Variants in ANKRD30BL observed in about 807,000 individuals in gnomAD.
ANKRD30BL encodes ankyrin repeat domain 30B like.
In ANKRD30BL, 20 loss-of-function variants were observed where a neutral mutation model predicts 18.4. The observed-to-expected ratio is 1.09, with a 90% CI of 0.77 to 1.58. The LOEUF (loss-of-function observed/expected upper bound fraction) is 1.58. Ranked by LOEUF, ANKRD30BL falls within the 40% of genes most tolerant of loss-of-function variation. The probability of loss-of-function intolerance (pLI) is 0.00; values close to 1 mark genes in which losing one functional copy is unlikely to be tolerated. For missense variants in ANKRD30BL, 224 were observed against 268.6 expected (o/e 0.83, Z 1.16); for synonymous variants, 72 against 100.9 (o/e 0.71, Z 1.72).
chr2:132,194,390 A>G (rs1678923269), intron 1 of ANKRD30BL, among the ~76,000 whole-genome samples: 1 of 152,244 alleles, frequency 6.6e-6, no homozygotes, highest in South Asian at 2.1e-4. Flanking sequence ...TAAGTCAGCG[A>G]CAGCCTGGCT....
chr2:132,239,473 T>C (rs1216965005), intron 1 of ANKRD30BL, among the ~76,000 whole-genome samples: 1 of 151,838 alleles, frequency 6.6e-6, no homozygotes, highest in African/African-American at 2.4e-5. Flanking sequence ...TATCTTCCCA[T>C]GAAAAGTACA....
At chr2:132,169,441 G>C (rs1019395293) in intron 1 of ANKRD30BL, among the ~76,000 whole-genome samples, 1 of 151,644 alleles carries the variant, frequency 6.6e-6, no homozygotes, top group Non-Finnish European at 1.5e-5. Context: ...GAGGTCAAGA[G>C]ATCGAGACCA....
chr2:132,238,385 C>T (rs1462870245), intron 1 of ANKRD30BL, among the ~76,000 whole-genome samples: 4 of 149,372 alleles, frequency 2.7e-5, no homozygotes, highest in African/African-American at 7.3e-5. Flanking sequence ...TTCTTTTGAT[C>T]GTAGAATTTG....
chr2:132,163,103 G>C (rs1230529010), upstream of ANKRD30BL, among the ~76,000 whole-genome samples: 3 of 152,202 alleles, frequency 2.0e-5, no homozygotes, highest in Admixed American at 2.0e-4. Flanking sequence ...TGGACTGAGA[G>C]GGAAACTCGG....
chr2:132,236,275 A>T (rs1364333454), intron 1 of ANKRD30BL, among the ~76,000 whole-genome samples: 3 of 152,200 alleles, frequency 2.0e-5, no homozygotes, highest in Non-Finnish European at 2.9e-5. Context: ...GGACATAGGC[A>T]TGGGCAAGGA....
At chr2:132,157,509 C>T (rs1176108541) in intron 1 of ANKRD30BL, 86 bp from the exon 2 acceptor site, 2 of 461,662 alleles carry the variant, frequency 4.3e-6, no homozygotes, top group Non-Finnish European at 7.9e-6. Context: ...ACATTAAATA[C>T]CATGCTCTTT....
intron 1 of ANKRD30BL, among the ~76,000 whole-genome samples, chr2:132,251,729 C>A (rs1680654307): frequency 6.6e-6 from 1 of 152,106 alleles, no homozygotes; most frequent in African/African-American, 2.4e-5. Context: ...AAAACAATTC[C>A]ATTCATTTTT....
At chr2:132,181,881 G>A (rs912658667) in intron 1 of ANKRD30BL, among the ~76,000 whole-genome samples, 4 of 152,074 alleles carry the variant, frequency 2.6e-5, no homozygotes, top group African/African-American at 9.7e-5. Context: ...GGAGGCCAAG[G>A]CAGGCAGACC....
rs61041841 is a variant in ANKRD30BL at position 132,175,346 on chromosome 2, G to A, written n.442-18200C>T. ...GGTACTATGCCTGGATGTGCACGTA[G>A]GCCAGATTTATGTTTCTCTCTGCCC... On this transcript the variant is annotated intron_variant and non_coding_transcript_variant, in intron 1 of 4. Coordinates refer to the ANKRD30BL transcript ENST00000470729. Among the ~76,000 whole-genome samples the A allele has an allele frequency of 2.2e-3, 327 of 152,084 alleles. 2 individuals are homozygous for A. Among genetic ancestry groups the A allele is most frequent in the South Asian group, 0.015 (73 of 4,812 alleles).
At chr2:132,207,188 C>T (rs201164100) in intron 1 of ANKRD30BL, among the ~76,000 whole-genome samples, 108 of 141,300 alleles carry the variant, frequency 7.6e-4, no homozygotes, top group African/African-American at 2.6e-3. Flanking sequence ...GGAGGGGAGC[C>T]GCTTAAGATC....
chr2:132,179,101 G>T (rs1688413854), intron 1 of ANKRD30BL, among the ~76,000 whole-genome samples: 1 of 151,788 alleles, frequency 6.6e-6, no homozygotes, highest in Non-Finnish European at 1.5e-5. Context: ...CTGTTTCCTA[G>T]TGATGTCATT....
At chr2:132,247,238 G>C (rs1680527684) in intron 1 of ANKRD30BL, among the ~76,000 whole-genome samples, 1 of 151,680 alleles carries the variant, frequency 6.6e-6, no homozygotes. Flanking sequence ...CTTTCATGGA[G>C]CAGTTTTGAA....
At chr2:132,235,502 A>C (rs969335597) in intron 1 of ANKRD30BL, among the ~76,000 whole-genome samples, 9 of 152,176 alleles carry the variant, frequency 5.9e-5, no homozygotes, top group African/African-American at 1.7e-4. Flanking sequence ...TCAGGATACA[A>C]AATCAATGTA....
At chr2:132,234,503 A>C (rs1680101462) in intron 1 of ANKRD30BL, among the ~76,000 whole-genome samples, 1 of 152,136 alleles carries the variant, frequency 6.6e-6, no homozygotes, top group African/African-American at 2.4e-5. Context: ...GATAAAGGGG[A>C]TATCACCACC....
intron 1 of ANKRD30BL, among the ~76,000 whole-genome samples, chr2:132,201,252 A>T (rs1207455007): frequency 6.6e-6 from 1 of 152,202 alleles, no homozygotes; most frequent in Non-Finnish European, 1.5e-5. Flanking sequence ...CTTCATGTCT[A>T]AAACACCAAA....
At chr2:132,230,909 T>G (rs1049865143) in intron 1 of ANKRD30BL, among the ~76,000 whole-genome samples, 3 of 151,884 alleles carry the variant, frequency 2.0e-5, no homozygotes, top group African/African-American at 7.3e-5. Flanking sequence ...GATAGAGCAG[T>G]TTTGAAACAC....
chr2:132,221,772 G>T (rs1679693638), intron 1 of ANKRD30BL, among the ~76,000 whole-genome samples: 1 of 112,388 alleles, frequency 8.9e-6, no homozygotes, highest in Admixed American at 7.7e-5. Context: ...CTACTGGGAA[G>T]TGAGGAGCCC....
chr2:132,199,367 A>G (rs1679047218), intron 1 of ANKRD30BL, among the ~76,000 whole-genome samples: 1 of 152,078 alleles, frequency 6.6e-6, no homozygotes, highest in Non-Finnish European at 1.5e-5. Flanking sequence ...TCAAATAAAT[A>G]AATAAATAAA....
intron 1 of ANKRD30BL, among the ~76,000 whole-genome samples, chr2:132,193,059 A>G (rs956147602): frequency 7.2e-5 from 11 of 152,312 alleles, no homozygotes; most frequent in African/African-American, 2.4e-4. Context: ...AGAATCTTGT[A>G]TTGCACGTTA....
Sources: gnomAD v4.1 joint callset for allele counts (sites outside exome capture counted in the v4.1 genomes callset) on GRCh38, gnomAD v4.1.1 for gene constraint, MANE v1.5 for transcripts, NCBI Gene and HGNC (gene_info 2026-07-23, HGNC 2026-07-21) for gene names.